Variants in SLC25A40 observed in about 807,000 individuals in gnomAD.
SLC25A40 encodes solute carrier family 25 member 40.
Under a neutral mutation model 46.5 loss-of-function variants are expected in SLC25A40, and 41 were observed. The ratio of observed to expected loss-of-function variants is 0.88; its 90% CI spans 0.69 to 1.14. The LOEUF (loss-of-function observed/expected upper bound fraction) is 1.14, where lower values mean the gene tolerates loss of function less well. Among genes scored for constraint, SLC25A40 ranks in the 50% most tolerant of loss-of-function variants. The pLI, the probability that SLC25A40 is intolerant of heterozygous loss-of-function variation, is 0.00. For missense variants in SLC25A40, 386 were observed against 393.6 expected (o/e 0.98, Z 0.16); for synonymous variants, 126 against 127.5 (o/e 0.99, Z 0.08).
At chr7:87,870,006 G>A (rs573350163) in intron 1 of SLC25A40, among the ~76,000 whole-genome samples, 2 of 151,944 alleles carry the variant, frequency 1.3e-5, no homozygotes, top group East Asian at 1.9e-4. Flanking sequence ...TATATGAATC[G>A]TGAAATCTCA....
chr7:87,847,478 A>G (rs2131002438), intron 7 of SLC25A40, among the ~76,000 whole-genome samples: 1 of 152,272 alleles, frequency 6.6e-6, no homozygotes, highest in Non-Finnish European at 1.5e-5. Context: ...TCTTCTGTAT[A>G]GAGTCAACGT....
intron 5 of SLC25A40, among the ~76,000 whole-genome samples, chr7:87,850,573 G>T (rs1291823739): frequency 6.6e-6 from 1 of 152,044 alleles, no homozygotes; most frequent in Admixed American, 6.5e-5. Flanking sequence ...TTCGACATCA[G>T]CCTGGGCAAT....
At chr7:87,856,468 AG>A in intron 3 of SLC25A40, 117 bp from the exon 4 acceptor site, 2 of 868,462 alleles carry the variant, frequency 2.3e-6, no homozygotes, top group Non-Finnish European at 4.0e-6. Flanking sequence ...ATAATTGGTA[AG>A]CTTATTTATC....
At chr7:87,855,590 C>T (rs187865108) in intron 4 of SLC25A40, among the ~76,000 whole-genome samples, 1 of 152,252 alleles carries the variant, frequency 6.6e-6, no homozygotes, top group East Asian at 1.9e-4. Context: ...GCTTTTATGG[C>T]TTTCTTTAAT....
At chr7:87,865,959 TG>T (rs1234629996) in intron 1 of SLC25A40, among the ~76,000 whole-genome samples, 1 of 151,990 alleles carries the variant, frequency 6.6e-6, no homozygotes, top group Non-Finnish European at 1.5e-5. Flanking sequence ...GGCACACACC[TG>T]TAATTCCAGC....
intron 1 of SLC25A40, among the ~76,000 whole-genome samples, chr7:87,867,468 CT>C (rs1736387162): frequency 6.6e-6 from 1 of 152,060 alleles, no homozygotes; most frequent in African/African-American, 2.4e-5. Context: ...TGTTTAATTT[CT>C]TTGATAAATT....
At chr7:87,845,575 C>T (rs1182322090) in intron 8 of SLC25A40, among the ~76,000 whole-genome samples, 1 of 152,090 alleles carries the variant, frequency 6.6e-6, no homozygotes, top group Non-Finnish European at 1.5e-5. Flanking sequence ...CACAATTTTT[C>T]CAATCATGGA....
rs73706940 is a variant in SLC25A40 at position 87,853,958 on chromosome 7, T to C, written c.264+246A>G. On this transcript the variant is annotated intron_variant, in intron 5 of 11. Coordinates refer to ENST00000341119, the MANE Select transcript of SLC25A40 (RefSeq NM_018843.4). Reference sequence around the variant, plus strand: ...CTAAGAAAAGGGTACATGAAATCTGTCTGTATATATTTTTTTCATTTTATA... The same window carrying C: ...CTAAGAAAAGGGTACATGAAATCTGCCTGTATATATTTTTTTCATTTTATA... Among the ~76,000 whole-genome samples, 500 of 152,300 alleles carry C rather than the reference T, an allele frequency of 3.3e-3. 3 individuals carry two copies. Among genetic ancestry groups the C allele is most frequent in the African/African-American group, 0.011 (471 of 41,582 alleles).
At chr7:87,867,390 T>TA (rs917054136) in intron 1 of SLC25A40, among the ~76,000 whole-genome samples, 1 of 152,240 alleles carries the variant, frequency 6.6e-6, no homozygotes, top group Non-Finnish European at 1.5e-5. Flanking sequence ...TCACAGTATC[T>TA]AATCAAATTT....
In SLC25A40 at chr7:87,834,611, A is replaced by G. The variant is rs532415093; in HGVS notation, c.*1638T>C. The G allele has an allele frequency of 1.0e-3, 152 of 151,774 alleles. No individual in the cohort carries two copies. The highest frequency in any genetic ancestry group is 3.5e-3 in the African/African-American group (145 of 41,512). 9.4% of individuals were successfully genotyped at this position (151,774 alleles called of 1,614,324 possible). On this transcript the variant is annotated 3_prime_UTR_variant, in exon 12 of 12. Transcript: ENST00000341119. ...TATAGGTGATATTAAACTGAAATAT[A>G]TAACTGCCTTTTGGGAACAGTATTT...
At chr7:87,840,819 T>C (rs1196725255) in intron 10 of SLC25A40, among the ~76,000 whole-genome samples, 1 of 151,846 alleles carries the variant, frequency 6.6e-6, no homozygotes. Context: ...ATCCATCAGA[T>C]TCATTTGTAG....
intron 1 of SLC25A40, among the ~76,000 whole-genome samples, chr7:87,874,185 T>C (rs1463188947): frequency 6.6e-6 from 1 of 152,238 alleles, no homozygotes; most frequent in Non-Finnish European, 1.5e-5. Context: ...TGCTTATTTA[T>C]TGCTTGGAAT....
At chr7:87,850,223 G>C (rs1291607860) in intron 5 of SLC25A40, among the ~76,000 whole-genome samples, 1 of 152,092 alleles carries the variant, frequency 6.6e-6, no homozygotes, top group African/African-American at 2.4e-5. Flanking sequence ...CTTTAGAAAA[G>C]ATTATTATAA....
intron 1 of SLC25A40, among the ~76,000 whole-genome samples, chr7:87,864,416 T>C (rs1838756535): frequency 6.6e-6 from 1 of 152,194 alleles, no homozygotes. Context: ...ACCATGCTGA[T>C]CTATCAAAAA....
intron 1 of SLC25A40, among the ~76,000 whole-genome samples, chr7:87,864,614 T>C (rs1838760024): frequency 6.6e-6 from 1 of 152,240 alleles, no homozygotes; most frequent in African/African-American, 2.4e-5. Flanking sequence ...CTATTTTACA[T>C]ATGCATAGCT....
intron 1 of SLC25A40, among the ~76,000 whole-genome samples, chr7:87,870,668 T>C (rs1020801565): frequency 2.0e-5 from 3 of 152,116 alleles, no homozygotes; most frequent in African/African-American, 7.2e-5. Context: ...GCCGAATGTC[T>C]GAGAGAAGCA....
In SLC25A40 at chr7:87,836,227, G is replaced by C. The variant is rs751730872; in HGVS notation, c.*22C>G. Reference sequence around the variant, plus strand: ...TCCATCTTCTTTGGCTATAGTTGTTGTTTCAAGTTGAAACAGCATCACTAG... The same window carrying C: ...TCCATCTTCTTTGGCTATAGTTGTTCTTTCAAGTTGAAACAGCATCACTAG... On this transcript the variant is annotated 3_prime_UTR_variant, in exon 12 of 12. Transcript: ENST00000341119. 4.1e-6 allele frequency: 6 copies of C among 1,455,916 alleles called. No homozygotes were observed. The highest frequency in any genetic ancestry group is 5.7e-6 in the Non-Finnish European group (6 of 1,059,786). The allele number at this position is 1,455,916 out of a possible 1,614,324, so 90.2% of individuals were successfully genotyped here. A position where few individuals can be genotyped will look rare whatever the true frequency, so the allele number is the denominator to read the frequency against.
chr7:87,869,665 T>C (rs1480808658), intron 1 of SLC25A40, among the ~76,000 whole-genome samples: 1 of 152,220 alleles, frequency 6.6e-6, no homozygotes, highest in African/African-American at 2.4e-5. Flanking sequence ...GCATTGATAC[T>C]TGGTTCCTTT....
At position 87,843,822 on chromosome 7, in the gene SLC25A40, A is replaced by T. The variant is rs1051889664; in HGVS notation, c.673T>A (p.Cys225Ser). The T allele has an allele frequency of 6.2e-7, 1 of 1,611,054 alleles. No individual in the cohort carries two copies. The highest frequency in any genetic ancestry group is 1.7e-4 in the Middle Eastern group (1 of 6,044). ...GGCTCATATAAACCAGATTTCTCAC[A>T]TAACCACTTCTTTAAAATTTCATAG... ...YNYEILKKWL[C>S]EKSGLYEPTF... The change falls in exon 9 of 12, where the codon TGT (cysteine) becomes AGT (serine). Residue 225 changes from cysteine to serine, a missense_variant. Cys to Ser is a moderately radical substitution (Grantham distance 112). Coordinates refer to ENST00000341119, the MANE Select transcript of SLC25A40 (RefSeq NM_018843.4).
Sources: allele counts gnomAD v4.1 joint callset (sites outside exome capture counted in the v4.1 genomes callset), GRCh38; gene constraint gnomAD v4.1.1; transcripts MANE v1.5; gene names NCBI Gene and HGNC (gene_info 2026-07-23, HGNC 2026-07-21).